The following CIMAP1C variants were observed in gnomAD, a reference collection of about 807,000 sequenced individuals.
CIMAP1C encodes the protein ciliary microtubule associated protein 1C.
the CIMAP1C span, chr15:75,727,144 T>G: frequency 6.2e-7 from 1 of 1,614,116 alleles, no homozygotes; most frequent in Admixed American, 1.7e-5. Flanking sequence ...AGTACACGTT[T>G]GGCTACCGGC....
chr15:75,725,043 C>T, the CIMAP1C span: 7 of 1,071,766 alleles, frequency 6.5e-6, no homozygotes, highest in Non-Finnish European at 1.0e-5. Context: ...GTGCGCTGTA[C>T]TGGGGCTTCC....
At chr15:75,726,428 C>G in the CIMAP1C span, among the ~76,000 whole-genome samples, 1 of 152,102 alleles carries the variant, frequency 6.6e-6, no homozygotes, top group Non-Finnish European at 1.5e-5. Flanking sequence ...GTCATGCGAA[C>G]GAGCTCACAG....
the CIMAP1C span, among the ~76,000 whole-genome samples, chr15:75,725,385 G>A: frequency 6.6e-6 from 1 of 152,222 alleles, no homozygotes; most frequent in Non-Finnish European, 1.5e-5. Flanking sequence ...AACTCCATGG[G>A]CATCCCCTAG....
chr15:75,725,239 C>G, the CIMAP1C span: 2 of 1,539,060 alleles, frequency 1.3e-6, no homozygotes, highest in Non-Finnish European at 1.8e-6. Context: ...CCACCCCAGT[C>G]ATCCGGCTGG....
the CIMAP1C span, among the ~76,000 whole-genome samples, chr15:75,724,606 C>T: frequency 1.8e-3 from 277 of 152,332 alleles, no homozygotes; most frequent in African/African-American, 6.0e-3. Context: ...GGACAGCAGA[C>T]GCTAATTCTT....
the CIMAP1C span, among the ~76,000 whole-genome samples, chr15:75,724,748 C>T: frequency 6.6e-6 from 1 of 152,166 alleles, no homozygotes; most frequent in Admixed American, 6.5e-5. Context: ...GTAGATATTT[C>T]TAAGCCTCAA....
chr15:75,726,195 G>A, the CIMAP1C span: 2 of 1,306,534 alleles, frequency 1.5e-6, no homozygotes, highest in Non-Finnish European at 2.2e-6. Context: ...ATGGACAGAT[G>A]TTGGGGGTTG....
the CIMAP1C span, chr15:75,726,314 T>C: frequency 3.2e-6 from 2 of 619,366 alleles, no homozygotes; most frequent in South Asian, 1.9e-5. Flanking sequence ...GACACCGACA[T>C]TGCAATGCTG....
At chr15:75,727,075 C>T in the CIMAP1C span, 16 of 1,613,146 alleles carry the variant, frequency 9.9e-6, no homozygotes, top group East Asian at 2.7e-4. Context: ...ACCCCACCCT[C>T]GCATCCTGCC....
At chr15:75,726,237 C>A in the CIMAP1C span, 2 of 1,072,056 alleles carry the variant, frequency 1.9e-6, no homozygotes, top group Non-Finnish European at 2.8e-6. Flanking sequence ...ACCCTTAGGA[C>A]CTGGGCAGGG....
At chr15:75,724,758 A>G in the CIMAP1C span, among the ~76,000 whole-genome samples, 2 of 152,202 alleles carry the variant, frequency 1.3e-5, no homozygotes, top group African/African-American at 4.8e-5. Flanking sequence ...CTAAGCCTCA[A>G]TATTCTGTAA....
chr15:75,727,411 G>A, the CIMAP1C span: 251 of 1,613,732 alleles, frequency 1.6e-4, no homozygotes, highest in Non-Finnish European at 2.1e-4. Context: ...TGGACCTCAC[G>A]CCACGGCCTG....
the CIMAP1C span, chr15:75,727,553 G>A: frequency 1.3e-6 from 2 of 1,552,534 alleles, no homozygotes; most frequent in Non-Finnish European, 1.7e-6. Context: ...CCCCTCTTGG[G>A]GCACTCACTG....
the CIMAP1C span, chr15:75,724,451 C>T: frequency 4.4e-6 from 3 of 687,752 alleles, no homozygotes; most frequent in East Asian, 7.6e-5. Flanking sequence ...CTGACCCTCA[C>T]AGGCAGTGTT....
the CIMAP1C span, chr15:75,724,213 AG>A: frequency 6.2e-7 from 1 of 1,613,794 alleles, no homozygotes; most frequent in South Asian, 1.1e-5. Context: ...AAACTGCCCA[AG>A]GGGACCAGGA....
chr15:75,726,838 A>C, the CIMAP1C span, among the ~76,000 whole-genome samples: 1 of 151,828 alleles, frequency 6.6e-6, no homozygotes, highest in African/African-American at 2.4e-5. Context: ...CTGGTCTCGA[A>C]CTCCTGATCT....
chr15:75,727,282 G>A, the CIMAP1C span: 2 of 1,614,072 alleles, frequency 1.2e-6, no homozygotes, highest in East Asian at 2.2e-5. Flanking sequence ...ACAAGAACTG[G>A]TTCTACAAGG....
chr15:75,724,378 C>G, the CIMAP1C span: 5 of 1,140,568 alleles, frequency 4.4e-6, no homozygotes, highest in Admixed American at 1.7e-5. Context: ...CTCCTTCCAG[C>G]CTGCCTCCTG....
the CIMAP1C span, chr15:75,727,410 C>A: frequency 6.2e-7 from 1 of 1,613,884 alleles, no homozygotes; most frequent in Admixed American, 1.7e-5. Context: ...CTGGACCTCA[C>A]GCCACGGCCT....
Sources: gnomAD v4.1 joint callset for allele counts (sites outside exome capture counted in the v4.1 genomes callset) on GRCh38, gnomAD v4.1.1 for gene constraint, MANE v1.5 for transcripts, NCBI Gene and HGNC (gene_info 2026-07-23, HGNC 2026-07-21) for gene names.